DPYD: variants seen among roughly 807,000 people sequenced by gnomAD.
DPYD encodes the protein dihydropyrimidine dehydrogenase [NADP(+)].
In DPYD, 109 loss-of-function variants were observed where a neutral mutation model predicts 116.2. The ratio of observed to expected loss-of-function variants is 0.94; its 90% CI spans 0.80 to 1.10. The LOEUF (loss-of-function observed/expected upper bound fraction) is 1.10. Among genes scored for constraint, DPYD ranks in the 50% least tolerant of loss-of-function variants. DPYD has a pLI of 0.00. For missense variants in DPYD, 1,302 were observed against 1,254.5 expected (o/e 1.04, Z -0.57); for synonymous variants, 440 against 432.0 (o/e 1.02, Z -0.23).
At chr1:97,379,889 G>A (rs1037980719) in intron 15 of DPYD, among the ~76,000 whole-genome samples, 1 of 152,178 alleles carries the variant, frequency 6.6e-6, no homozygotes, top group Non-Finnish European at 1.5e-5. Context: ...GTGAAATGAT[G>A]TGCTATTCCC....
intron 8 of DPYD, among the ~76,000 whole-genome samples, chr1:97,649,580 T>A (rs1178085203): frequency 2.6e-5 from 4 of 152,106 alleles, no homozygotes; most frequent in Admixed American, 2.6e-4. Context: ...TGTATTTCTC[T>A]TTGATAATAA....
intron 20 of DPYD, among the ~76,000 whole-genome samples, chr1:97,174,251 C>T (rs916721355): frequency 2.3e-4 from 35 of 152,092 alleles, no homozygotes; most frequent in African/African-American, 7.5e-4. Context: ...CTTTTGTTAA[C>T]GGAGGCTGCA....
chr1:97,887,414 G>A (rs1672551646), intron 1 of DPYD, among the ~76,000 whole-genome samples: 1 of 137,706 alleles, frequency 7.3e-6, no homozygotes, highest in African/African-American at 2.7e-5. Context: ...AGGATGCAGT[G>A]AGCTGTGACC....
intron 18 of DPYD, among the ~76,000 whole-genome samples, chr1:97,291,511 A>C (rs1276840940): frequency 1.3e-5 from 2 of 152,228 alleles, no homozygotes. Flanking sequence ...GCAGCCATAA[A>C]AAATGATGAG....
At chr1:97,755,757 C>A (rs1273869921) in intron 3 of DPYD, among the ~76,000 whole-genome samples, 1 of 152,028 alleles carries the variant, frequency 6.6e-6, no homozygotes, top group Admixed American at 6.6e-5. Flanking sequence ...CCTTTGTGTC[C>A]CAGTTTCCTC....
chr1:97,571,302 C>T (rs2811214), intron 11 of DPYD, among the ~76,000 whole-genome samples: 17,561 of 151,886 alleles, frequency 0.12, 1,125 homozygotes, highest in Middle Eastern at 0.14. Context: ...AAGTCTTTTA[C>T]ATTATTTCAT....
At chr1:97,542,173 C>T (rs960687490) in intron 12 of DPYD, among the ~76,000 whole-genome samples, 5 of 152,152 alleles carry the variant, frequency 3.3e-5, no homozygotes, top group Non-Finnish European at 5.9e-5. Flanking sequence ...GGTATAATTA[C>T]TGAACTTTCT....
chr1:97,176,356 A>G (rs1657259695), intron 20 of DPYD, among the ~76,000 whole-genome samples: 1 of 152,064 alleles, frequency 6.6e-6, no homozygotes, highest in Admixed American at 6.6e-5. Context: ...GCCCCTATGG[A>G]GATGGAGAAG....
chr1:97,499,865 A>G (rs953594483), intron 13 of DPYD, among the ~76,000 whole-genome samples: 2 of 151,958 alleles, frequency 1.3e-5, no homozygotes, highest in African/African-American at 4.8e-5. Context: ...GTTCTTTGTT[A>G]CAACTGCAAC....
At chr1:97,087,554 G>A (rs1300222357) in intron 21 of DPYD, among the ~76,000 whole-genome samples, 1 of 152,146 alleles carries the variant, frequency 6.6e-6, no homozygotes, top group African/African-American at 2.4e-5. Flanking sequence ...AGAGCGGCTT[G>A]GGTGAGAGGG....
chr1:97,661,847 TTTC>T (rs1181169539), intron 8 of DPYD, among the ~76,000 whole-genome samples: 2 of 151,904 alleles, frequency 1.3e-5, no homozygotes, highest in African/African-American at 4.8e-5. Context: ...AGTAAAAGAT[TTTC>T]TTCTCCCATT....
At chr1:97,776,591 C>T (rs1023399670) in intron 3 of DPYD, among the ~76,000 whole-genome samples, 2 of 152,144 alleles carry the variant, frequency 1.3e-5, no homozygotes, top group Admixed American at 1.3e-4. Context: ...TTTTCAACAT[C>T]TGCCTGCATG....
At chr1:97,275,952 T>C (rs1177601911) in intron 18 of DPYD, among the ~76,000 whole-genome samples, 2 of 146,468 alleles carry the variant, frequency 1.4e-5, no homozygotes, top group Non-Finnish European at 3.1e-5. Flanking sequence ...AATGCTAAAA[T>C]AGCCATTGGA....
At chr1:97,339,769 A>C in intron 16 of DPYD, among the ~76,000 whole-genome samples, 1 of 152,202 alleles carries the variant, frequency 6.6e-6, no homozygotes, top group East Asian at 1.9e-4. Context: ...TCTATAACTA[A>C]GACAGAATAG....
intron 20 of DPYD, among the ~76,000 whole-genome samples, chr1:97,141,330 T>C (rs1395147418): frequency 6.6e-6 from 1 of 152,102 alleles, no homozygotes; most frequent in African/African-American, 2.4e-5. Flanking sequence ...CTACTCTACC[T>C]TACTTACCTC....
At chr1:97,626,904 T>C (rs1656963928) in intron 8 of DPYD, among the ~76,000 whole-genome samples, 1 of 152,054 alleles carries the variant, frequency 6.6e-6, no homozygotes, top group South Asian at 2.1e-4. Context: ...CTGAAATACC[T>C]TTCCATGGTG....
chr1:97,647,614 T>C (rs1390285648), intron 8 of DPYD, among the ~76,000 whole-genome samples: 1 of 152,058 alleles, frequency 6.6e-6, no homozygotes, highest in Non-Finnish European at 1.5e-5. Context: ...CATTCAAAAA[T>C]ATTTTATCTT....
rs537936764 is a variant in DPYD, at chr1:97,392,711, C to G, written c.1906-10250G>C. Among the ~76,000 whole-genome samples, 8 of 152,208 alleles carry G rather than the reference C, an allele frequency of 5.3e-5. 1 individual carries two copies. The highest frequency in any genetic ancestry group is 3.9e-4 in the Admixed American group (6 of 15,266). On this transcript the variant is annotated intron_variant, in intron 14 of 22. Transcript: ENST00000370192. ...GAGTAGATTTCATCTCAAGCAACCA[C>G]TTTCTTTGCTCATTCATAAGAAGTA... is the stretch of plus-strand genomic sequence containing the variant.
At chr1:97,324,725 A>G (rs929371462) in intron 16 of DPYD, among the ~76,000 whole-genome samples, 2 of 152,078 alleles carry the variant, frequency 1.3e-5, no homozygotes, top group East Asian at 1.9e-4. Context: ...GCATTTTAAT[A>G]TGTCATAATG....
Sources: gnomAD v4.1 joint callset for allele counts (sites outside exome capture counted in the v4.1 genomes callset) on GRCh38, gnomAD v4.1.1 for gene constraint, MANE v1.5 for transcripts, NCBI Gene and HGNC (gene_info 2026-07-23, HGNC 2026-07-21) for gene names.